Variants in RAB31 observed in about 807,000 individuals in gnomAD.
RAB31 encodes ras-related protein Rab-31.
A neutral mutation model predicts 25.6 loss-of-function variants in RAB31; 21 were observed. The ratio of observed to expected loss-of-function variants is 0.82; its 90% CI spans 0.58 to 1.18. The LOEUF (loss-of-function observed/expected upper bound fraction) is 1.18. Ranked by LOEUF, RAB31 falls within the 50% of genes most tolerant of loss-of-function variation. The pLI, the probability that RAB31 is intolerant of heterozygous loss-of-function variation, is 0.00. For missense variants in RAB31, 196 were observed against 250.1 expected, an observed-to-expected ratio of 0.78 and a Z score of 1.46; for synonymous variants, 87 against 84.0, an observed-to-expected ratio of 1.04 and a Z score of -0.20.
intron 3 of RAB31, among the ~76,000 whole-genome samples, chr18:9,812,728 C>T (rs1434231380): frequency 9.3e-6 from 1 of 107,124 alleles, no homozygotes; most frequent in Non-Finnish European, 1.8e-5. Context: ...GATAAAGTCT[C>T]ACTCTGTCTT....
rs552084650 is a variant in RAB31 at position 9,768,721 on chromosome 18, T to A, written c.40-6557T>A. On this transcript the variant is annotated intron_variant, in intron 1 of 6. Coordinates refer to ENST00000578921, the MANE Select transcript of RAB31 (RefSeq NM_006868.4). Reference sequence around the variant, plus strand: ...TTTAATTAGCTCTCATTTGTCAACTTTGGCTTTTGTTGCCATCGCTTTTGG... The same window carrying A: ...TTTAATTAGCTCTCATTTGTCAACTATGGCTTTTGTTGCCATCGCTTTTGG... Among the ~76,000 whole-genome samples, 34 of 152,352 alleles carry A rather than the reference T, an allele frequency of 2.2e-4. 2 individuals carry two copies. The South Asian group carries it at 6.0e-3, about 27-fold the overall frequency.
intron 3 of RAB31, among the ~76,000 whole-genome samples, chr18:9,795,297 A>AC (rs2068481587): frequency 6.6e-6 from 1 of 152,252 alleles, no homozygotes; most frequent in Non-Finnish European, 1.5e-5. Context: ...CTAGAAGATA[A>AC]CATTGGAGAA....
At chr18:9,712,932 G>A (rs1216297147) in intron 1 of RAB31, among the ~76,000 whole-genome samples, 2 of 152,208 alleles carry the variant, frequency 1.3e-5, no homozygotes, top group East Asian at 3.8e-4. Flanking sequence ...TTGTTGGAAT[G>A]TATATGGTGG....
At chr18:9,732,859 G>C (rs966093797) in intron 1 of RAB31, among the ~76,000 whole-genome samples, 1 of 152,124 alleles carries the variant, frequency 6.6e-6, no homozygotes, top group Non-Finnish European at 1.5e-5. Flanking sequence ...AGTTTTCATC[G>C]TCTGTGCTAA....
chr18:9,831,630 G>T (rs753543874), intron 5 of RAB31, among the ~76,000 whole-genome samples: 2 of 152,230 alleles, frequency 1.3e-5, no homozygotes, highest in African/African-American at 4.8e-5. Context: ...TGGGCACGGC[G>T]CTGTGGCATG....
chr18:9,814,254 A>T (rs2068590012), intron 4 of RAB31, among the ~76,000 whole-genome samples, 163 bp downstream of exon 4: 1 of 152,218 alleles, frequency 6.6e-6, no homozygotes, highest in Admixed American at 6.5e-5. Context: ...TTATCTGCTA[A>T]ATTAAACAAT....
chr18:9,761,373 T>C (rs2068287871), intron 1 of RAB31, among the ~76,000 whole-genome samples: 1 of 152,198 alleles, frequency 6.6e-6, no homozygotes, highest in African/African-American at 2.4e-5. Context: ...TGTTGAAAGA[T>C]TAAACCTGTA....
At chr18:9,785,556 A>G (rs1210957778) in intron 2 of RAB31, among the ~76,000 whole-genome samples, 1 of 152,130 alleles carries the variant, frequency 6.6e-6, no homozygotes, top group Non-Finnish European at 1.5e-5. Context: ...GCCTCAGAAA[A>G]CAGAATCACT....
At chr18:9,776,870 G>A (rs1012205760) in intron 2 of RAB31, among the ~76,000 whole-genome samples, 2 of 152,090 alleles carry the variant, frequency 1.3e-5, no homozygotes, top group Non-Finnish European at 2.9e-5. Flanking sequence ...TGTGCAGGTT[G>A]AGCATCCCTA....
At chr18:9,721,077 C>T (rs2068071494) in intron 1 of RAB31, among the ~76,000 whole-genome samples, 1 of 152,164 alleles carries the variant, frequency 6.6e-6, no homozygotes, top group Non-Finnish European at 1.5e-5. Context: ...TCACCATTCT[C>T]TGATTTCCTA....
At chr18:9,797,636 A>C (rs1282840512) in intron 3 of RAB31, 1 of 152,208 alleles carries the variant, frequency 6.6e-6, no homozygotes, top group Admixed American at 6.5e-5. Context: ...TTGAAAAATC[A>C]CACAAAAAAC....
intron 1 of RAB31, among the ~76,000 whole-genome samples, chr18:9,762,145 T>C (rs1399361273): frequency 1.3e-5 from 2 of 152,176 alleles, no homozygotes; most frequent in Non-Finnish European, 2.9e-5. Context: ...GGAAGTGACA[T>C]CTGCCACTTT....
intron 1 of RAB31, chr18:9,726,207 A>G (rs1264352769): frequency 6.6e-6 from 1 of 152,234 alleles, no homozygotes; most frequent in Non-Finnish European, 1.5e-5. Flanking sequence ...CTTTTTAAGC[A>G]CTATAAATTG....
intron 1 of RAB31, among the ~76,000 whole-genome samples, chr18:9,730,288 C>CTT (rs34004989): frequency 0.29 from 40,745 of 140,814 alleles, 7,096 homozygotes; most frequent in African/African-American, 0.48. Context: ...CTCACCTTAT[C>CTT]TTTTTTTTTT....
chr18:9,826,283 T>C (rs4798869), intron 5 of RAB31, among the ~76,000 whole-genome samples: 105,841 of 151,876 alleles, frequency 0.7, 37,533 homozygotes, highest in East Asian at 0.91. Context: ...GGCTGACACA[T>C]GAGAATTGCT....
intron 2 of RAB31, among the ~76,000 whole-genome samples, chr18:9,782,153 A>G (rs903540806): frequency 1.8e-4 from 27 of 152,350 alleles, no homozygotes; most frequent in African/African-American, 6.5e-4. Context: ...TATGTTCATC[A>G]GTATAAACGT....
intron 2 of RAB31, among the ~76,000 whole-genome samples, chr18:9,783,856 A>C (rs531530301): frequency 6.6e-6 from 1 of 152,242 alleles, no homozygotes; most frequent in African/African-American, 2.4e-5. Flanking sequence ...CATAATGAAT[A>C]TAAGAATAAG....
intron 1 of RAB31, among the ~76,000 whole-genome samples, chr18:9,719,811 G>A (rs753824204): frequency 2.0e-5 from 3 of 152,082 alleles, no homozygotes; most frequent in South Asian, 2.1e-4. Context: ...CCAAGGCTTC[G>A]CTTTTACAGG....
chr18:9,816,683 C>T (rs1301269570), intron 5 of RAB31, among the ~76,000 whole-genome samples: 1 of 152,168 alleles, frequency 6.6e-6, no homozygotes, highest in African/African-American at 2.4e-5. Flanking sequence ...ATCCAGTACA[C>T]ATGAATTAGA....
Sources: gnomAD v4.1 joint callset for allele counts (sites outside exome capture counted in the v4.1 genomes callset) on GRCh38, gnomAD v4.1.1 for gene constraint, MANE v1.5 for transcripts, NCBI Gene and HGNC (gene_info 2026-07-23, HGNC 2026-07-21) for gene names.